Variants in PALM observed in about 807,000 individuals in gnomAD.
PALM encodes paralemmin-1.
Under a neutral mutation model 30.7 loss-of-function variants are expected in PALM, and 18 were observed. The ratio of observed to expected loss-of-function variants is 0.59; its 90% CI spans 0.41 to 0.87. The LOEUF is 0.87. Among genes scored for constraint, PALM ranks in the 40% least tolerant of loss-of-function variants. The pLI, the probability that PALM is intolerant of heterozygous loss-of-function variation, is 0.00. For missense variants in PALM, 529 were observed against 555.4 expected (o/e 0.95, Z 0.48); for synonymous variants, 286 against 242.8 (o/e 1.18, Z -1.66).
intron 4 of PALM, among the ~76,000 whole-genome samples, chr19:729,971 C>T (rs1415155875): frequency 6.6e-6 from 1 of 152,228 alleles, no homozygotes; most frequent in African/African-American, 2.4e-5. Context: ...TGGGCACAGG[C>T]TCAGGCCCCT....
Position 726,346 on chromosome 19 carries a change from A to G in PALM, c.57+157A>G, listed in dbSNP as rs145401528. ...CTTGGATCCTGCTGACCCGCAGAGAATGGAAGTGGAGACCCCCTGAGTCGG... is the reference window on the plus strand; with the variant it reads ...CTTGGATCCTGCTGACCCGCAGAGAGTGGAAGTGGAGACCCCCTGAGTCGG... On this transcript the variant is annotated intron_variant, in intron 2 of 8. Transcript: ENST00000338448. Among the ~76,000 whole-genome samples, 404 of 152,240 alleles carry G rather than the reference A, an allele frequency of 2.7e-3. 6 individuals are homozygous for G. Among genetic ancestry groups the G allele is most frequent in the Admixed American group, 6.4e-3 (98 of 15,288 alleles).
rs2031989868 is a variant in PALM at position 709,258 on chromosome 19, C to G, written c.5+107C>G. On this transcript the variant is annotated intron_variant, in intron 1 of 8. Transcript: ENST00000338448. This position sits in a 1 kb window ranked among gnomAD's most constrained non-coding sequence, Gnocchi z 4.3. ...CCCATTGGGGGCGTCGCTGCCCCCG[C>G]GAGGAGCAGGAGGCGGCGCGGGGCT... 1 of 272,362 alleles carries G rather than the reference C, an allele frequency of 3.7e-6. No individual in the cohort carries two copies. Among genetic ancestry groups the G allele is most frequent in the Non-Finnish European group, 6.9e-6 (1 of 144,468 alleles). 16.9% of individuals were successfully genotyped at this position (272,362 alleles called of 1,614,324 possible).
In PALM at chr19:709,917, G is replaced by C. The variant is rs934358407; in HGVS notation, c.5+766G>C. Among the ~76,000 whole-genome samples, 3 of 152,124 alleles carry C rather than the reference G, an allele frequency of 2.0e-5. No homozygotes were observed. Among genetic ancestry groups the C allele is most frequent in the South Asian group, 2.1e-4 (1 of 4,826 alleles). On this transcript the variant is annotated intron_variant, in intron 1 of 8. Coordinates refer to ENST00000338448, the MANE Select transcript of PALM (RefSeq NM_002579.3). The surrounding 1 kb of genome is among the most constrained non-coding windows in gnomAD (Gnocchi z 4.3). ...ATGGCTGCGCCTGTGTGTGTGGGGG[G>C]GGGGTGGCCAGTGGAGGCACCGAGC...
At chr19:718,203 A>T (rs2238555) in intron 1 of PALM, among the ~76,000 whole-genome samples, 14,413 of 152,144 alleles carry the variant, frequency 0.095, 982 homozygotes, top group East Asian at 0.19. Flanking sequence ...AAAGAAAAAG[A>T]TAAGTAAAGT....
chr19:722,437 C>G (rs1018869462), intron 1 of PALM: 6 of 152,224 alleles, frequency 3.9e-5, no homozygotes, highest in Non-Finnish European at 7.3e-5. Context: ...CTATGTTGCC[C>G]AGGCTGGTCT....
Position 709,822 on chromosome 19 carries a change from C to T in PALM, c.5+671C>T, listed in dbSNP as rs1362995220. Reference sequence around the variant, plus strand: ...GGGATACCCTCTCGGGGAAGTGTCTCGGAGCTGGGGCTCCACTGGTGTAGC... The same window carrying T: ...GGGATACCCTCTCGGGGAAGTGTCTTGGAGCTGGGGCTCCACTGGTGTAGC... On this transcript the variant is annotated intron_variant, in intron 1 of 8. Coordinates refer to ENST00000338448, the MANE Select transcript of PALM (RefSeq NM_002579.3). This position sits in a 1 kb window ranked among gnomAD's most constrained non-coding sequence, Gnocchi z 4.3. Among the ~76,000 whole-genome samples the T allele has an allele frequency of 1.3e-5, 2 of 152,126 alleles. No homozygotes were observed. The highest frequency in any genetic ancestry group is 1.3e-4 in the Admixed American group (2 of 15,290).
intron 6 of PALM, 22 bp from the exon 7 acceptor site, chr19:735,997 T>G (rs2033012362): frequency 6.2e-7 from 1 of 1,602,150 alleles, no homozygotes; most frequent in Non-Finnish European, 8.5e-7. Flanking sequence ...CATCTCTCTC[T>G]CCGCTTCCAC....
rs1568224565 is a variant in PALM, at chr19:726,114, C to G, written c.6-24C>G. 4.4e-6 allele frequency: 7 copies of G among 1,602,112 alleles called. No homozygotes were observed. In the East Asian group the frequency reaches 1.1e-4, roughly 26 times the overall value. ...GACAGCAGGGCTCAGTGAACCAGAG[C>G]TTGACCTTATCTCCCTCCCGCAGGG... On this transcript the variant is annotated intron_variant, in intron 1 of 8. Transcript: ENST00000338448.
Position 731,108 on chromosome 19 carries a change from A to C in PALM, c.283A>C (p.Ile95Leu), listed in dbSNP as rs2032858108. The C allele has an allele frequency of 6.3e-7, 1 of 1,591,782 alleles. No homozygotes were observed. Among genetic ancestry groups the C allele is most frequent in the African/African-American group, 1.4e-5 (1 of 73,972 alleles). ...CCCTCTCCCCAGGTTGGAGAAGGAA[A>C]TTGAGGTGCTGGAGCGTGGAGACTC... ...EDSVSRLEKE[I>L]EVLERGDSAP... The change falls in exon 5 of 9, where the codon ATT becomes CTT. Residue 95 changes from isoleucine to leucine, a missense_variant. Ile to Leu is a conservative substitution (Grantham distance 5). Coordinates refer to ENST00000338448, the MANE Select transcript of PALM (RefSeq NM_002579.3).
At chr19:718,256 T>G (rs1452955182) in intron 1 of PALM, among the ~76,000 whole-genome samples, 1 of 151,850 alleles carries the variant, frequency 6.6e-6, no homozygotes, top group Non-Finnish European at 1.5e-5. Context: ...GGGCTGAAAA[T>G]TAGGACAGAA....
intron 1 of PALM, among the ~76,000 whole-genome samples, chr19:725,716 G>C (rs559345582): frequency 2.4e-4 from 37 of 152,154 alleles, no homozygotes; most frequent in African/African-American, 8.9e-4. Context: ...TTCATCCTCT[G>C]TTTGCCCCTC....
In PALM at chr19:746,173, G is replaced by C; in HGVS notation, c.635-112G>C. 1.3e-6 allele frequency: 1 copy of C among 749,184 alleles called. No individual in the cohort carries two copies. The highest frequency in any genetic ancestry group is 2.2e-6 in the Non-Finnish European group (1 of 445,650). The allele number at this position is 749,184 out of a possible 1,614,324, so 46.4% of individuals were successfully genotyped here. A position where few individuals can be genotyped will look rare whatever the true frequency, so the allele number is the denominator to read the frequency against. The stretch of plus-strand genomic sequence containing the variant: ...AATCTAGTTCGTGATTTCCTCTTTA[G>C]CCTGGAGGAGGATACAAGCCTTGCC... On this transcript the variant is annotated intron_variant, in intron 8 of 8. Coordinates refer to ENST00000338448, the MANE Select transcript of PALM (RefSeq NM_002579.3). The surrounding 1 kb of genome is among the most constrained non-coding windows in gnomAD (Gnocchi z 7.1).
At chr19:726,950 T>TGGGGTTGGTGGGGGGGG in intron 2 of PALM, 58 bp from the exon 3 acceptor site, 1 of 864,348 alleles carries the variant, frequency 1.2e-6, no homozygotes, top group Non-Finnish European at 1.7e-6. Flanking sequence ...TGTGTGGGGG[T>TGGGGTTGGTGGGGGGGG]GGGGGGGTCT....
At chr19:720,014 C>G (rs1482383394) in intron 1 of PALM, among the ~76,000 whole-genome samples, 3 of 152,064 alleles carry the variant, frequency 2.0e-5, no homozygotes, top group Non-Finnish European at 4.4e-5. Context: ...ACACCCCTCC[C>G]GGATGGAAGC....
chr19:715,038 A>C (rs1178245661), intron 1 of PALM, among the ~76,000 whole-genome samples: 2 of 152,150 alleles, frequency 1.3e-5, no homozygotes, highest in Non-Finnish European at 2.9e-5. Context: ...CCGAGGCAGG[A>C]GGATCACCTC....
At chr19:741,876 T>C (rs2033206743) in intron 8 of PALM, among the ~76,000 whole-genome samples, 1 of 152,126 alleles carries the variant, frequency 6.6e-6, no homozygotes, top group Admixed American at 6.6e-5. Context: ...AGAAAGAGTT[T>C]CACTCTGTCG....
chr19:743,710 C>G (rs2033257000), intron 8 of PALM, among the ~76,000 whole-genome samples: 1 of 151,942 alleles, frequency 6.6e-6, no homozygotes, highest in South Asian at 2.1e-4. Flanking sequence ...AAGGAATTTG[C>G]AGGGCTGTGA....
rs12609047 is a variant in PALM, at chr19:727,997, C to G, written c.269+303C>G. On this transcript the variant is annotated intron_variant, in intron 4 of 8. Coordinates refer to ENST00000338448, the MANE Select transcript of PALM (RefSeq NM_002579.3). ...CAGCGAGGGACGTGGCGTCGAGCTC[C>G]TGGGTCCCTGGAGCTGGCCAGCGGG... 273 of 212,498 alleles carry G rather than the reference C, an allele frequency of 1.3e-3. 4 individuals are homozygous for G. The highest frequency in any genetic ancestry group is 8.1e-3 in the African/African-American group (201 of 24,744). The allele number at this position is 212,498 out of a possible 1,614,324, so 13.2% of individuals were successfully genotyped here. A position where few individuals can be genotyped will look rare whatever the true frequency, so the allele number is the denominator to read the frequency against.
chr19:712,183 C>G (rs561141857), intron 1 of PALM, among the ~76,000 whole-genome samples: 1 of 151,880 alleles, frequency 6.6e-6, no homozygotes, highest in Non-Finnish European at 1.5e-5. Flanking sequence ...CCACCACGCC[C>G]GGCTAATTTT....
Sources: gnomAD v4.1 joint callset for allele counts (sites outside exome capture counted in the v4.1 genomes callset) on GRCh38, gnomAD v4.1.1 for gene constraint, Gnocchi (gnomAD v3.1) non-coding constraint, MANE v1.5 for transcripts, NCBI Gene and HGNC (gene_info 2026-07-23, HGNC 2026-07-21) for gene names.